The following RAPGEF1 variants were observed in gnomAD, a reference collection of about 807,000 sequenced individuals.
The protein encoded by RAPGEF1 is Rap guanine nucleotide exchange factor 1.
In RAPGEF1, 33 loss-of-function variants were observed where a neutral mutation model predicts 143.3. The observed-to-expected ratio is 0.23, with a 90% CI of 0.17 to 0.31. The LOEUF is 0.31. Among genes scored for constraint, RAPGEF1 ranks in the 10% least tolerant of loss-of-function variants. The pLI is 1.00. For missense variants in RAPGEF1, 1,199 were observed against 1,645.4 expected, an observed-to-expected ratio of 0.73 and a Z score of 4.69; for synonymous variants, 629 against 676.5, an observed-to-expected ratio of 0.93 and a Z score of 1.09.
intron 25 of RAPGEF1, 75 bp from the exon 26 acceptor site, chr9:131,580,466 C>T (rs376218636): frequency 4.0e-5 from 61 of 1,506,568 alleles, no homozygotes; most frequent in African/African-American, 8.3e-5. Flanking sequence ...ATGTGTCAGG[C>T]GCTAGGACTC....
intron 1 of RAPGEF1, among the ~76,000 whole-genome samples, chr9:131,705,838 A>G (rs532150181): frequency 1.3e-5 from 2 of 152,288 alleles, no homozygotes; most frequent in Admixed American, 6.5e-5. Context: ...GGAGGCTGTA[A>G]GACTCATGTT....
At chr9:131,717,881 G>T (rs1051160290) in intron 1 of RAPGEF1, among the ~76,000 whole-genome samples, 19 of 152,118 alleles carry the variant, frequency 1.2e-4, no homozygotes, top group African/African-American at 4.3e-4. Flanking sequence ...TGACCTCTCT[G>T]GGTGGCATCT....
At chr9:131,696,964 G>A (rs1834232642) in intron 1 of RAPGEF1, among the ~76,000 whole-genome samples, 1 of 152,226 alleles carries the variant, frequency 6.6e-6, no homozygotes, top group Non-Finnish European at 1.5e-5. Context: ...TAAGGCAGGT[G>A]TAATTAGTTG....
chr9:131,717,807 C>T (rs1324689932), intron 1 of RAPGEF1, among the ~76,000 whole-genome samples: 1 of 141,242 alleles, frequency 7.1e-6, no homozygotes, highest in Non-Finnish European at 1.5e-5. Flanking sequence ...GGAAAAAGAG[C>T]GGGGGATGAG....
At position 131,596,451 on chromosome 9, in the gene RAPGEF1, A is replaced by G. The variant is rs1955305605; in HGVS notation, c.2614-78T>C. On this transcript the variant is annotated intron_variant, in intron 16 of 26. Coordinates refer to ENST00000683357, the MANE Select transcript of RAPGEF1 (RefSeq NM_001377935.1). ...ATCAGTTTAGGAAGAAACAGGCAGG[A>G]ATGAGATGACAAAATGCCCTGCAAC... is the stretch of plus-strand genomic sequence containing the variant. The G allele has an allele frequency of 4.9e-6, 7 of 1,438,656 alleles. No individual in the cohort carries two copies. In the South Asian group the frequency reaches 8.2e-5, roughly 17 times the overall value. The allele number at this position is 1,438,656 out of a possible 1,614,324, so 89.1% of individuals were successfully genotyped here.
At chr9:131,671,698 G>A (rs891762728) in intron 1 of RAPGEF1, among the ~76,000 whole-genome samples, 9 of 152,192 alleles carry the variant, frequency 5.9e-5, no homozygotes, top group African/African-American at 2.2e-4. Context: ...CCCTGGAACC[G>A]AGACTGGCAG....
intron 1 of RAPGEF1, chr9:131,710,064 G>A: frequency 4.0e-6 from 2 of 505,376 alleles, no homozygotes; most frequent in Non-Finnish European, 5.1e-6. Flanking sequence ...TTTCTCCGCA[G>A]GAGAAATGGG....
At chr9:131,691,484 T>C (rs759175277) in intron 1 of RAPGEF1, among the ~76,000 whole-genome samples, 2 of 152,252 alleles carry the variant, frequency 1.3e-5, no homozygotes, top group Non-Finnish European at 2.9e-5. Context: ...AACTGAATCA[T>C]TATTATAATG....
At chr9:131,737,454 GA>G in intron 1 of RAPGEF1, 1 of 1,613,838 alleles carries the variant, frequency 6.2e-7, no homozygotes, top group Non-Finnish European at 8.5e-7. Context: ...GGGTAGCTTA[GA>G]AACTGTGCTA....
Position 131,628,999 on chromosome 9 carries a change from G to A in RAPGEF1, c.893+103C>T, listed in dbSNP as rs1232299065. ...GCTCCAGAGTCAGCCTCCCAAGGGG[G>A]GCCAAGCCCTCAGCGCTGAGGGGAA... On this transcript the variant is annotated intron_variant, in intron 7 of 26. Transcript: ENST00000683357. This position sits in a 1 kb window ranked among gnomAD's most constrained non-coding sequence, Gnocchi z 5.7. 2.1e-6 allele frequency: 3 copies of A among 1,437,362 alleles called. No individual in the cohort carries two copies. Among genetic ancestry groups the A allele is most frequent in the African/African-American group, 1.4e-5 (1 of 70,264 alleles). The allele number at this position is 1,437,362 out of a possible 1,614,324, so 89.0% of individuals were successfully genotyped here. A position where few individuals can be genotyped will look rare whatever the true frequency, so the allele number is the denominator to read the frequency against.
intron 1 of RAPGEF1, among the ~76,000 whole-genome samples, chr9:131,679,144 A>G (rs374134513): frequency 1.4e-5 from 2 of 143,888 alleles, no homozygotes; most frequent in East Asian, 2.3e-4. Context: ...GGAAATCCCA[A>G]CTGCGAACTC....
At chr9:131,613,130 A>G (rs1958299093) in intron 12 of RAPGEF1, among the ~76,000 whole-genome samples, 1 of 152,202 alleles carries the variant, frequency 6.6e-6, no homozygotes, top group African/African-American at 2.4e-5. Flanking sequence ...GTCACGTACT[A>G]CATGTGTGCT....
At chr9:131,608,634 G>A (rs1046668674) in intron 12 of RAPGEF1, among the ~76,000 whole-genome samples, 1 of 152,216 alleles carries the variant, frequency 6.6e-6, no homozygotes, top group Non-Finnish European at 1.5e-5. Context: ...GTGAGCTCAC[G>A]TTCTGGTATT....
At chr9:131,651,232 TCTAA>T (rs1188485222) in intron 1 of RAPGEF1, among the ~76,000 whole-genome samples, 3 of 152,228 alleles carry the variant, frequency 2.0e-5, no homozygotes, top group Non-Finnish European at 4.4e-5. Context: ...TGTGTGATGA[TCTAA>T]CTAACATCCA....
At chr9:131,617,066 G>A (rs1269906635) in intron 12 of RAPGEF1, among the ~76,000 whole-genome samples, 1 of 152,100 alleles carries the variant, frequency 6.6e-6, no homozygotes, top group African/African-American at 2.4e-5. Flanking sequence ...AAACTATGAC[G>A]TACTCATAAC....
At chr9:131,589,331 G>A (rs1255985414) in intron 19 of RAPGEF1, among the ~76,000 whole-genome samples, 2 of 152,322 alleles carry the variant, frequency 1.3e-5, no homozygotes, top group East Asian at 1.9e-4. Context: ...AAGACTTCCC[G>A]GCCTCTCAGA....
At chr9:131,593,340 G>A (rs1196997448) in intron 17 of RAPGEF1, among the ~76,000 whole-genome samples, 1 of 152,224 alleles carries the variant, frequency 6.6e-6, no homozygotes, top group African/African-American at 2.4e-5. Context: ...ATTACAGAAT[G>A]AAGTGGAATT....
At chr9:131,692,162 G>C (rs1007671541) in intron 1 of RAPGEF1, among the ~76,000 whole-genome samples, 1 of 152,202 alleles carries the variant, frequency 6.6e-6, no homozygotes, top group African/African-American at 2.4e-5. Context: ...CAAACTTTGT[G>C]ATCAATCACT....
chr9:131,638,343 T>G (rs1257318771), intron 5 of RAPGEF1, among the ~76,000 whole-genome samples: 1 of 152,250 alleles, frequency 6.6e-6, no homozygotes, highest in Non-Finnish European at 1.5e-5. Context: ...ACGATCTCCA[T>G]TGCATTTTGT....
Sources: allele counts gnomAD v4.1 joint callset (sites outside exome capture counted in the v4.1 genomes callset), GRCh38; gene constraint gnomAD v4.1.1; non-coding constraint Gnocchi (gnomAD v3.1); transcripts MANE v1.5; gene names NCBI Gene and HGNC (gene_info 2026-07-23, HGNC 2026-07-21).